Variants in GRIN2B observed in about 807,000 individuals in gnomAD.
GRIN2B encodes the protein glutamate ionotropic receptor NMDA type subunit 2B, also known as glutamate receptor ionotropic, NMDA 2B.
Under a neutral mutation model 114.5 loss-of-function variants are expected in GRIN2B, and 5 were observed. The observed-to-expected ratio is 0.04, with a 90% CI of 0.02 to 0.09. The LOEUF (loss-of-function observed/expected upper bound fraction) is 0.09, where lower values mean the gene tolerates loss of function less well. Among genes scored for constraint, GRIN2B ranks in the 10% least tolerant of loss-of-function variants. The probability of loss-of-function intolerance (pLI) is 1.00; values close to 1 mark genes in which losing one functional copy is unlikely to be tolerated. For synonymous variants in GRIN2B, 787 were observed against 745.1 expected (o/e 1.06, Z -0.92); for missense variants, 1,108 against 1,943.5 (o/e 0.57, Z 8.08).
chr12:13,827,224 G>GTTTTTTTTTTTT (rs759572450), intron 3 of GRIN2B, among the ~76,000 whole-genome samples: 1 of 34,510 alleles, frequency 2.9e-5, no homozygotes, highest in East Asian at 1.0e-3. Context: ...CCTTATTGTT[G>GTTTTTTTTTTTT]TTTTCTTTTT....
intron 4 of GRIN2B, among the ~76,000 whole-genome samples, chr12:13,679,078 G>T (rs1950104704): frequency 6.6e-6 from 1 of 152,016 alleles, no homozygotes; most frequent in South Asian, 2.1e-4. Context: ...GAGAGAGATG[G>T]AGGAGAGAGG....
chr12:13,793,782 C>T (rs1290775631), intron 3 of GRIN2B, among the ~76,000 whole-genome samples: 1 of 152,172 alleles, frequency 6.6e-6, no homozygotes, highest in Non-Finnish European at 1.5e-5. Flanking sequence ...TCTTCACACT[C>T]TGTCTTAGCC....
At chr12:13,847,098 G>C (rs1173775349) in intron 3 of GRIN2B, among the ~76,000 whole-genome samples, 1 of 152,046 alleles carries the variant, frequency 6.6e-6, no homozygotes, top group Non-Finnish European at 1.5e-5. Context: ...ATCAGTCCAG[G>C]TCTGTCTGGG....
chr12:13,674,881 T>A (rs905931476), intron 5 of GRIN2B, among the ~76,000 whole-genome samples: 39 of 152,152 alleles, frequency 2.6e-4, no homozygotes, highest in African/African-American at 9.2e-4. Context: ...AAGACTCTCC[T>A]AGAGTGAGAA....
intron 2 of GRIN2B, among the ~76,000 whole-genome samples, chr12:13,949,878 T>G (rs1867447715): frequency 6.6e-6 from 1 of 152,176 alleles, no homozygotes; most frequent in Non-Finnish European, 1.5e-5. Context: ...AAATTTATGT[T>G]TATTATGAAC....
Position 13,558,480 on chromosome 12 carries a change from A to G in GRIN2B, c.*4303T>C, listed in dbSNP as rs906266346. ...TAACTAACTAAAAACCGACCAAAAA[A>G]AAAAAAAAAATGAACCAAAGAAACC... On this transcript the variant is annotated 3_prime_UTR_variant, in exon 14 of 14. Coordinates refer to ENST00000609686, the MANE Select transcript of GRIN2B (RefSeq NM_000834.5). 2 of 152,122 alleles carry G rather than the reference A, an allele frequency of 1.3e-5. No individual in the cohort carries two copies. The highest frequency in any genetic ancestry group is 4.8e-5 in the African/African-American group (2 of 41,426). The allele number at this position is 152,122 out of a possible 1,614,324, so 9.4% of individuals were successfully genotyped here.
At chr12:13,591,504 C>T (rs1046662272) in intron 10 of GRIN2B, among the ~76,000 whole-genome samples, 4 of 152,180 alleles carry the variant, frequency 2.6e-5, no homozygotes, top group African/African-American at 9.7e-5. Flanking sequence ...GAAACTGAGG[C>T]ATGAGAAGGG....
chr12:13,899,507 C>G (rs1866409043), intron 2 of GRIN2B, among the ~76,000 whole-genome samples: 1 of 143,644 alleles, frequency 7.0e-6, no homozygotes, highest in Non-Finnish European at 1.6e-5. Flanking sequence ...GGGGTGTTGT[C>G]TCCTCTTGGC....
At chr12:13,822,130 T>G (rs1160444778) in intron 3 of GRIN2B, among the ~76,000 whole-genome samples, 1 of 152,174 alleles carries the variant, frequency 6.6e-6, no homozygotes, top group East Asian at 1.9e-4. Context: ...TTATGAAATT[T>G]TTAGCACAAG....
At chr12:13,864,170 A>G (rs1276514784) in intron 3 of GRIN2B, among the ~76,000 whole-genome samples, 1 of 152,126 alleles carries the variant, frequency 6.6e-6, no homozygotes, top group Non-Finnish European at 1.5e-5. Flanking sequence ...TATGTTTCTC[A>G]TATGATACTG....
intron 4 of GRIN2B, among the ~76,000 whole-genome samples, chr12:13,720,988 T>C (rs1679247230): frequency 6.6e-6 from 1 of 152,044 alleles, no homozygotes; most frequent in Non-Finnish European, 1.5e-5. Flanking sequence ...AAATATTAAC[T>C]AATGGTAGCA....
At chr12:13,742,588 A>G (rs1432699212) in intron 4 of GRIN2B, among the ~76,000 whole-genome samples, 2 of 151,864 alleles carry the variant, frequency 1.3e-5, no homozygotes, top group African/African-American at 4.8e-5. Context: ...ACACCACCAC[A>G]CCTGGTTAAT....
intron 4 of GRIN2B, among the ~76,000 whole-genome samples, chr12:13,749,084 T>A (rs1863436205): frequency 6.6e-6 from 1 of 152,246 alleles, no homozygotes; most frequent in African/African-American, 2.4e-5. Context: ...AGTGAGGAAT[T>A]TGGATTAACA....
chr12:13,863,600 T>C lies in GRIN2B; in HGVS notation c.411+2198A>G, dbSNP rs181964020. On this transcript the variant is annotated intron_variant, in intron 3 of 13. Coordinates refer to ENST00000609686, the MANE Select transcript of GRIN2B (RefSeq NM_000834.5). The stretch of plus-strand genomic sequence containing the variant: ...TCGCTAACTGGTTAAGAGTATTAAA[T>C]AAGATAGTACATACACAGCACTAAG... 3.9e-5 allele frequency among the ~76,000 whole-genome samples: 6 copies of C among 152,318 alleles called. No individual in the cohort carries two copies. The East Asian group carries it at 1.2e-3, about 29-fold the overall frequency.
At chr12:13,605,520 G>GTCTCTCTCTCTC (rs3081918) in intron 10 of GRIN2B, among the ~76,000 whole-genome samples, 3,001 of 114,924 alleles carry the variant, frequency 0.026, 143 homozygotes, top group African/African-American at 0.08. Flanking sequence ...GGTCTTGAAA[G>GTCTCTCTCTCTC]TCTCTCTCTC....
At chr12:13,877,791 A>C (rs1866011881) in intron 2 of GRIN2B, among the ~76,000 whole-genome samples, 2 of 152,122 alleles carry the variant, frequency 1.3e-5, no homozygotes, top group South Asian at 2.1e-4. Flanking sequence ...GGCCAGGCGC[A>C]GTGGCTCACA....
intron 3 of GRIN2B, among the ~76,000 whole-genome samples, chr12:13,827,475 CTCTG>C (rs917679433): frequency 6.6e-6 from 1 of 151,836 alleles, no homozygotes; most frequent in African/African-American, 2.4e-5. Context: ...TCTTTTTACT[CTCTG>C]TGCTTCATTT....
At chr12:13,581,674 C>T (rs776014839) in intron 10 of GRIN2B, among the ~76,000 whole-genome samples, 7 of 152,146 alleles carry the variant, frequency 4.6e-5, no homozygotes, top group Non-Finnish European at 8.8e-5. Flanking sequence ...CTTTGGGAAG[C>T]TGAGGTAGGT....
intron 2 of GRIN2B, among the ~76,000 whole-genome samples, chr12:13,940,590 G>A (rs927220185): frequency 2.0e-5 from 3 of 152,138 alleles, no homozygotes; most frequent in African/African-American, 7.2e-5. Context: ...AAAGGGAAGT[G>A]TAGGCTGAAT....
Sources: gnomAD v4.1 joint callset for allele counts (sites outside exome capture counted in the v4.1 genomes callset) on GRCh38, gnomAD v4.1.1 for gene constraint, MANE v1.5 for transcripts, NCBI Gene and HGNC (gene_info 2026-07-23, HGNC 2026-07-21) for gene names.